KCNJ16: variants seen among roughly 807,000 people sequenced by gnomAD.
The protein encoded by KCNJ16 is inward rectifier potassium channel 16.
A neutral mutation model predicts 18.5 loss-of-function variants in KCNJ16; 15 were observed. That is an observed-to-expected ratio of 0.81 (90% CI 0.54 to 1.25). The LOEUF is 1.25. Ranked by LOEUF, KCNJ16 falls within the 50% of genes most tolerant of loss-of-function variation. The probability of loss-of-function intolerance (pLI) is 0.00; values close to 1 mark genes in which losing one functional copy is unlikely to be tolerated. For missense variants in KCNJ16, 523 were observed against 525.7 expected (o/e 0.99, Z 0.05); for synonymous variants, 174 against 186.5 (o/e 0.93, Z 0.55).
In KCNJ16 at chr17:70,075,244, G is replaced by C. The variant is rs1188736798; in HGVS notation, c.-446G>C. The C allele has an allele frequency of 6.6e-6, 1 of 152,156 alleles. No homozygotes were observed. Among genetic ancestry groups the C allele is most frequent in the Admixed American group, 6.5e-5 (1 of 15,280 alleles). The allele number at this position is 152,156 out of a possible 1,614,324, so 9.4% of individuals were successfully genotyped here. ...CTATGTAGATTCCCAGGGAGGAACTGTAGGAACAAACCGGTGTCAATGGTT... is the reference window on the plus strand; with the variant it reads ...CTATGTAGATTCCCAGGGAGGAACTCTAGGAACAAACCGGTGTCAATGGTT... On this transcript the variant is annotated 5_prime_UTR_variant, in exon 1 of 4. Transcript: ENST00000392671.
chr17:70,113,506 CCTTA>C (rs1442322896), intron 2 of KCNJ16, among the ~76,000 whole-genome samples: 1 of 152,000 alleles, frequency 6.6e-6, no homozygotes, highest in African/African-American at 2.4e-5. Context: ...TTTTCCAGTC[CCTTA>C]CTGTCATTGG....
At chr17:70,104,707 G>A (rs762305575) in intron 2 of KCNJ16, 1 of 152,270 alleles carries the variant, frequency 6.6e-6, no homozygotes, top group African/African-American at 2.4e-5. Flanking sequence ...GCTTCCAGAG[G>A]TTTGATCAGA....
chr17:70,078,082 G>A (rs2071393661), intron 1 of KCNJ16, among the ~76,000 whole-genome samples: 1 of 152,050 alleles, frequency 6.6e-6, no homozygotes, highest in South Asian at 2.1e-4. Flanking sequence ...TTTTTGTATA[G>A]CTGCTTTTAA....
intron 2 of KCNJ16, among the ~76,000 whole-genome samples, chr17:70,110,686 T>C (rs2073149159): frequency 6.6e-6 from 1 of 152,198 alleles, no homozygotes; most frequent in Non-Finnish European, 1.5e-5. Context: ...GGATTGTTTT[T>C]CCTTTTGTGT....
Position 70,093,074 on chromosome 17 carries a change from T to C in KCNJ16, c.-299-7584T>C, listed in dbSNP as rs554631993. ...AATATAACCAACACGTCCATCAATT[T>C]GCAAAGGTTGAAAGTTAGTAAAAGA... On this transcript the variant is annotated intron_variant, in intron 1 of 3. Coordinates refer to ENST00000392671, the MANE Select transcript of KCNJ16 (RefSeq NM_170741.4). Among the ~76,000 whole-genome samples the C allele has an allele frequency of 2.0e-5, 3 of 152,228 alleles. No homozygotes were observed. The East Asian group carries it at 5.8e-4, about 29-fold the overall frequency.
intron 2 of KCNJ16, among the ~76,000 whole-genome samples, chr17:70,106,142 G>C (rs2072911878): frequency 6.6e-6 from 1 of 152,128 alleles, no homozygotes; most frequent in South Asian, 2.1e-4. Context: ...TCAATGCAAG[G>C]AGTAAAGGCA....
intron 1 of KCNJ16, among the ~76,000 whole-genome samples, chr17:70,083,628 A>T (rs557087509): frequency 5.1e-4 from 77 of 152,240 alleles, no homozygotes; most frequent in African/African-American, 1.8e-3. Context: ...AGTAGATTAT[A>T]CCATCTAGGT....
intron 1 of KCNJ16, among the ~76,000 whole-genome samples, chr17:70,090,850 G>C (rs1471784680): frequency 6.6e-6 from 1 of 152,142 alleles, no homozygotes; most frequent in Admixed American, 6.5e-5. Flanking sequence ...TAGCTCAGTT[G>C]CCAGCAATGT....
intron 2 of KCNJ16, chr17:70,101,264 C>A (rs923133314): frequency 2.0e-5 from 3 of 152,084 alleles, no homozygotes; most frequent in Non-Finnish European, 4.4e-5. Flanking sequence ...AGGTCATCTT[C>A]CCACAACAAA....
chr17:70,087,185 G>A (rs184884040), intron 1 of KCNJ16, among the ~76,000 whole-genome samples: 7 of 151,804 alleles, frequency 4.6e-5, no homozygotes, highest in South Asian at 2.1e-4. Flanking sequence ...TGGGATTATA[G>A]ACATTATCTT....
chr17:70,132,582 T>G lies in KCNJ16; in HGVS notation c.495T>G (p.Ile165Met). 6.2e-7 allele frequency: 1 copy of G among 1,614,230 alleles called. No individual in the cohort carries two copies. The highest frequency in any genetic ancestry group is 1.1e-5 in the South Asian group (1 of 91,084). The change falls in exon 4 of 4, where the codon ATT becomes ATG. Residue 165 changes from isoleucine to methionine, a missense_variant. Transcript: ENST00000392671. ...GTTGCATCATAAATACCTTTATCAT[T>G]GGAGCTGCCTTGGCCAAAATGGCAA... is the stretch of plus-strand genomic sequence containing the variant. ...ILSCIINTFI[I>M]GAALAKMATA... is the part of the protein sequence containing the mutation.
chr17:70,106,467 G>C (rs762318625), intron 2 of KCNJ16, among the ~76,000 whole-genome samples: 46 of 152,158 alleles, frequency 3.0e-4, no homozygotes, highest in Non-Finnish European at 5.9e-4. Context: ...AGAGAGGAGA[G>C]AAACTGATAG....
chr17:70,132,281 T>G lies in KCNJ16; in HGVS notation c.194T>G (p.Leu65Arg). 6.2e-7 allele frequency: 1 copy of G among 1,614,232 alleles called. No individual in the cohort carries two copies. The highest frequency in any genetic ancestry group is 8.5e-7 in the Non-Finnish European group (1 of 1,180,030). ...TATGTGGTTGACATCTTCACCACTC[T>G]TGTGGACACCAAGTGGCGCCATATG... ...GSYVVDIFTT[L>R]VDTKWRHMFV... is the part of the protein sequence containing the mutation. The change falls in exon 4 of 4, where the codon CTT becomes CGT. Residue 65 changes from leucine to arginine, a missense_variant. Physicochemically the swap from Leu to Arg is moderately radical, Grantham distance 102. Coordinates refer to ENST00000392671, the MANE Select transcript of KCNJ16 (RefSeq NM_170741.4).
intron 2 of KCNJ16, among the ~76,000 whole-genome samples, chr17:70,117,233 A>G (rs1323042364): frequency 6.6e-6 from 1 of 152,188 alleles, no homozygotes; most frequent in Non-Finnish European, 1.5e-5. Flanking sequence ...TTCTCACTTA[A>G]AAGTGGAAGC....
intron 1 of KCNJ16, chr17:70,096,958 T>G (rs1029692026): frequency 6.0e-5 from 24 of 398,216 alleles, no homozygotes; most frequent in Non-Finnish European, 1.0e-4. Context: ...AGAGGTAACA[T>G]GTCCTAACAT....
intron 2 of KCNJ16, among the ~76,000 whole-genome samples, chr17:70,108,735 T>G (rs1055049029): frequency 1.3e-5 from 2 of 152,170 alleles, no homozygotes; most frequent in Admixed American, 1.3e-4. Flanking sequence ...AAACTATTTT[T>G]GTTGAATCTT....
intron 2 of KCNJ16, among the ~76,000 whole-genome samples, chr17:70,114,749 T>C (rs1352958285): frequency 6.6e-6 from 1 of 152,168 alleles, no homozygotes; most frequent in East Asian, 1.9e-4. Flanking sequence ...TCTGGGAAAT[T>C]GCCAATTTTA....
At chr17:70,104,131 T>C (rs1197985847) in intron 2 of KCNJ16, among the ~76,000 whole-genome samples, 1 of 151,948 alleles carries the variant, frequency 6.6e-6, no homozygotes. Flanking sequence ...CCCAGCTAAT[T>C]TATTTTTTAT....
At chr17:70,082,475 G>A (rs1010062534) in intron 1 of KCNJ16, among the ~76,000 whole-genome samples, 1 of 152,174 alleles carries the variant, frequency 6.6e-6, no homozygotes, top group Non-Finnish European at 1.5e-5. Flanking sequence ...TGATTCTAGA[G>A]AGAGGAGAAT....
Sources: allele counts gnomAD v4.1 joint callset (sites outside exome capture counted in the v4.1 genomes callset), GRCh38; gene constraint gnomAD v4.1.1; transcripts MANE v1.5; gene names NCBI Gene and HGNC (gene_info 2026-07-23, HGNC 2026-07-21).